The following ABCA7 variants were observed in gnomAD, a reference collection of about 807,000 sequenced individuals.
ABCA7 encodes ATP binding cassette subfamily A member 7.
A neutral mutation model predicts 227.6 loss-of-function variants in ABCA7; 261 were observed. That is an observed-to-expected ratio of 1.15 (90% confidence interval 1.04 to 1.27). The LOEUF (loss-of-function observed/expected upper bound fraction) is 1.27. Ranked by LOEUF, ABCA7 falls within the 50% of genes most tolerant of loss-of-function variation. ABCA7 has a pLI of 0.00. For synonymous variants in ABCA7, 1,488 were observed against 1,279.7 expected, an observed-to-expected ratio of 1.16 and a Z score of -3.47; for missense variants, 3,331 against 2,924.5, an observed-to-expected ratio of 1.14 and a Z score of -3.21.
chr19:1,058,313 G>A, intron 37 of ABCA7, 44 bp downstream of exon 37: 1 of 1,608,378 alleles, frequency 6.2e-7, no homozygotes, highest in Non-Finnish European at 8.5e-7. Flanking sequence ...CAGATAGCTA[G>A]CACCCTTGGA....
intron 35 of ABCA7, among the ~76,000 whole-genome samples, 158 bp from the exon 36 acceptor site, chr19:1,057,757 G>C (rs28613552): frequency 0.022 from 3,355 of 149,438 alleles, 128 homozygotes; most frequent in African/African-American, 0.079. Flanking sequence ...AAGAAAGAGA[G>C]AGAAAGAGAA....
intron 18 of ABCA7, among the ~76,000 whole-genome samples, chr19:1,050,411 C>CA (rs1432059482): frequency 2.1e-5 from 3 of 140,080 alleles, no homozygotes; most frequent in East Asian, 2.9e-4. Context: ...GACTCTGTCA[C>CA]AAAAAAATAA....
In ABCA7 at chr19:1,049,333, T is replaced by C. The variant is rs767033462; in HGVS notation, c.2448T>C (p.Phe816=). 2 of 1,611,466 alleles carry C rather than the reference T, an allele frequency of 1.2e-6. No homozygotes were observed. Among genetic ancestry groups the C allele is most frequent in the South Asian group, 2.2e-5 (2 of 91,058 alleles). ...GVSVRSLEKR[F]PGSPQPALRG... Reference sequence around the variant, plus strand: ...CCGTTCGCAGCCTGGAGAAGCGCTTTCCTGGAAGCCCGCAGCCAGCCCTGC... The same window carrying C: ...CCGTTCGCAGCCTGGAGAAGCGCTTCCCTGGAAGCCCGCAGCCAGCCCTGC... Residue 816 remains phenylalanine (F), a synonymous_variant, in exon 18 of 47, where the codon TTT becomes TTC. Transcript: ENST00000263094.
chr19:1,051,386 G>A (rs2041619362), intron 20 of ABCA7, 63 bp from the exon 21 acceptor site: 2 of 713,282 alleles, frequency 2.8e-6, no homozygotes, highest in Admixed American at 4.3e-5. Context: ...AGGTCCACGT[G>A]GGTAGGCAAC....
chr19:1,063,722 G>T (rs1226384299), intron 43 of ABCA7, 38 bp from the exon 44 acceptor site: 1 of 1,553,110 alleles, frequency 6.4e-7, no homozygotes, highest in Admixed American at 1.9e-5. Context: ...CTGCGACGGA[G>T]GCGGGGCCTT....
rs903471963 is a variant in ABCA7 at position 1,050,629 on chromosome 19, A to T, written c.2553-292A>T. Among the ~76,000 whole-genome samples, 65 of 147,506 alleles carry T rather than the reference A, an allele frequency of 4.4e-4. 1 individual carries two copies. The highest frequency in any genetic ancestry group is 1.4e-4 in the Admixed American group (2 of 14,716). ...CCCGTCTCTACTAAAAATGCAAAAA[A>T]ATTAGCCGGACATGGTGGCGGGCGC... On this transcript the variant is annotated intron_variant, in intron 18 of 46. Coordinates refer to ENST00000263094, the MANE Select transcript of ABCA7 (RefSeq NM_019112.4).
intron 16 of ABCA7, among the ~76,000 whole-genome samples, chr19:1,048,662 A>T (rs1409583514): frequency 1.3e-5 from 2 of 151,598 alleles, no homozygotes; most frequent in African/African-American, 4.8e-5. Context: ...ACAAAAAATT[A>T]TCCAGGCATG....
intron 4 of ABCA7, 21 bp downstream of exon 4, chr19:1,041,993 G>C: frequency 6.3e-7 from 1 of 1,576,720 alleles, no homozygotes; most frequent in Non-Finnish European, 8.6e-7. Flanking sequence ...GGCAGTGGGT[G>C]CGGCCGGCCT....
At position 1,056,329 on chromosome 19, in the gene ABCA7, G is replaced by A; in HGVS notation, c.4417-1G>A. On this transcript the variant is annotated splice_acceptor_variant, in intron 32 of 46. Coordinates refer to ENST00000263094, the MANE Select transcript of ABCA7 (RefSeq NM_019112.4). LOFTEE classifies it high-confidence loss of function. The surrounding 1 kb of genome is among the most constrained non-coding windows in gnomAD (Gnocchi z 4.3). ...ACCCTATGACCTTGACCCCCACCCA[G>A]ATCTGGTTCAACAACAAAGGCTGGC... 1 of 1,613,052 alleles carries A rather than the reference G, an allele frequency of 6.2e-7. No homozygotes were observed. The highest frequency in any genetic ancestry group is 8.5e-7 in the Non-Finnish European group (1 of 1,179,850).
chr19:1,055,799 GCTTT>G, intron 30 of ABCA7, 104 bp from the exon 31 acceptor site: 1 of 1,228,946 alleles, frequency 8.1e-7, no homozygotes, highest in Non-Finnish European at 1.1e-6. Flanking sequence ...ACCGCGCCCG[GCTTT>G]CTTTCCTGTT....
At position 1,047,438 on chromosome 19, in the gene ABCA7, C is replaced by A; in HGVS notation, c.2068-15C>A. ...CCCCGCTTCGGCCGCTCACTGACCGCCCGCTTTTCCGCAGAGCCTGCTGTC... is the reference window on the plus strand; with the variant it reads ...CCCCGCTTCGGCCGCTCACTGACCGACCGCTTTTCCGCAGAGCCTGCTGTC... On this transcript the variant is annotated splice_polypyrimidine_tract_variant and intron_variant, in intron 15 of 46. Coordinates refer to ENST00000263094, the MANE Select transcript of ABCA7 (RefSeq NM_019112.4). 1 of 1,538,338 alleles carries A rather than the reference C, an allele frequency of 6.5e-7. No homozygotes were observed.
rs1222360357 is a variant in ABCA7 at position 1,042,232 on chromosome 19, G to C, written c.415+56G>C. 4.8e-5 allele frequency: 77 copies of C among 1,591,056 alleles called. 1 individual carries two copies. The East Asian group carries it at 1.7e-3, about 35-fold the overall frequency. ...TGAGCTCTGAGCCTCAACTTGCCGG[G>C]CCGTGAAATGGGCACAGGGTGGGGG... On this transcript the variant is annotated intron_variant, in intron 5 of 46. Coordinates refer to ENST00000263094, the MANE Select transcript of ABCA7 (RefSeq NM_019112.4).
At chr19:1,040,968 G>A (rs1351721353) in intron 1 of ABCA7, among the ~76,000 whole-genome samples, 3 of 152,252 alleles carry the variant, frequency 2.0e-5, no homozygotes, top group Middle Eastern at 3.4e-3. Flanking sequence ...AGGAGGCTGG[G>A]GGTCAGGACC....
Position 1,057,916 on chromosome 19 carries a change from T to G in ABCA7, c.4882T>G (p.Trp1628Gly). Residue 1628 changes from tryptophan to glycine, a missense_variant and splice_region_variant, in exon 36 of 47, where the codon TGG (tryptophan) becomes GGG (glycine). Physicochemically the swap from Trp to Gly is radical, Grantham distance 184 (BLOSUM62 -2). Transcript: ENST00000263094. The stretch of plus-strand genomic sequence containing the variant: ...CAGTGACTCCTATTGTCCCTTCAGC[T>G]GGTCGATCACACCGCTCATGTACCC... ...ALLLLLLLYGWSITPLMYPAS... is the reference protein window; with the variant it reads ...ALLLLLLLYGGSITPLMYPAS... The G allele has an allele frequency of 6.2e-7, 1 of 1,614,106 alleles. No individual in the cohort carries two copies. The highest frequency in any genetic ancestry group is 1.6e-4 in the Middle Eastern group (1 of 6,062).
Position 1,054,294 on chromosome 19 carries a change from A to G in ABCA7, c.3679A>G (p.Lys1227Glu). ...TRQQLQALLL[K>E]RFLLARRSRR... ...CCAGCAGCTCCAGGCCCTGCTTCTC[A>G]AGCGCTTTCTGCTTGCCCGCCGCAG... Residue 1227 changes from lysine (K) to glutamate (E), a missense_variant, in exon 27 of 47, where the codon AAG becomes GAG. Coordinates refer to ENST00000263094, the MANE Select transcript of ABCA7 (RefSeq NM_019112.4). The surrounding 1 kb of genome is among the most constrained non-coding windows in gnomAD (Gnocchi z 4.8). 1 of 1,606,518 alleles carries G rather than the reference A, an allele frequency of 6.2e-7. No individual in the cohort carries two copies. Among genetic ancestry groups the G allele is most frequent in the Non-Finnish European group, 8.5e-7 (1 of 1,179,332 alleles).
At chr19:1,063,080 C>G (rs1968456) in intron 42 of ABCA7, among the ~76,000 whole-genome samples, 20,715 of 34,036 alleles carry the variant, frequency 0.61, 8,916 homozygotes, top group Middle Eastern at 0.77. Context: ...GCCCCATACT[C>G]ATGCTGGCTC....
chr19:1,063,614 G>C lies in ABCA7; in HGVS notation c.5783G>C (p.Gly1928Ala). The change falls in exon 43 of 47, where the codon GGA becomes GCA. Residue 1928 changes from glycine to alanine, a missense_variant. Physicochemically the swap from Gly to Ala is moderately conservative, Grantham distance 60 (BLOSUM62 0). Transcript: ENST00000263094. Reference sequence around the variant, plus strand: ...GACCGGCCTGCAGGCACCTACAGCGGAGGGAACAAACGCAAGCTGGCGACG... The same window carrying C: ...GACCGGCCTGCAGGCACCTACAGCGCAGGGAACAAACGCAAGCTGGCGACG... Reference protein sequence around the residue: ...YADRPAGTYSGGNKRKLATAL... With the variant: ...YADRPAGTYSAGNKRKLATAL... The C allele has an allele frequency of 6.2e-7, 1 of 1,611,420 alleles. No individual in the cohort carries two copies. The highest frequency in any genetic ancestry group is 1.1e-5 in the South Asian group (1 of 91,076).
chr19:1,047,171 C>T lies in ABCA7; in HGVS notation c.1860C>T (p.Leu620=), dbSNP rs983495724. Reference sequence around the variant, plus strand: ...GCCTCTCACAGCTGGGAGACATCCTCCCCTACAGCCACCCGGGCGTGGTCT... The same window carrying T: ...GCCTCTCACAGCTGGGAGACATCCTTCCCTACAGCCACCCGGGCGTGGTCT... ...LVLVLKLGDI[L]PYSHPGVVFL... Residue 620 remains leucine (L), a synonymous_variant, in exon 15 of 47, where the codon CTC becomes CTT. Coordinates refer to ENST00000263094, the MANE Select transcript of ABCA7 (RefSeq NM_019112.4). 5 of 1,603,672 alleles carry T rather than the reference C, an allele frequency of 3.1e-6. No homozygotes were observed. In the African/African-American group the frequency reaches 6.7e-5, roughly 22 times the overall value.
chr19:1,042,532 T>C, intron 6 of ABCA7, 135 bp downstream of exon 6: 1 of 1,211,296 alleles, frequency 8.3e-7, no homozygotes, highest in Non-Finnish European at 1.2e-6. Flanking sequence ...GTGATGCTGC[T>C]TGTCCGTCTG....
Sources: gnomAD v4.1 joint callset for allele counts (sites outside exome capture counted in the v4.1 genomes callset) on GRCh38, gnomAD v4.1.1 for gene constraint, Gnocchi (gnomAD v3.1) non-coding constraint, MANE v1.5 for transcripts, NCBI Gene and HGNC (gene_info 2026-07-23, HGNC 2026-07-21) for gene names.